Variants in C10orf90 observed in about 807,000 individuals in gnomAD.
The protein encoded by C10orf90 is (E2-independent) E3 ubiquitin-conjugating enzyme FATS.
A neutral mutation model predicts 62.5 loss-of-function variants in C10orf90; 56 were observed. That is an observed-to-expected ratio of 0.90 (90% CI 0.72 to 1.12). C10orf90 has a LOEUF of 1.12. Among genes scored for constraint, C10orf90 ranks in the 50% most tolerant of loss-of-function variants. The pLI, the probability that C10orf90 is intolerant of heterozygous loss-of-function variation, is 0.00. For missense variants in C10orf90, 970 were observed against 880.4 expected (o/e 1.10, Z -1.29); for synonymous variants, 386 against 340.4 (o/e 1.13, Z -1.47).
At chr10:126,559,412 C>A (rs1218297724) in intron 2 of C10orf90, among the ~76,000 whole-genome samples, 1 of 152,188 alleles carries the variant, frequency 6.6e-6, no homozygotes, top group Non-Finnish European at 1.5e-5. Context: ...ATAACATTTG[C>A]TCTCATCTGT....
chr10:126,567,774 G>A (rs530914937), intron 2 of C10orf90, among the ~76,000 whole-genome samples: 2 of 152,304 alleles, frequency 1.3e-5, no homozygotes, highest in East Asian at 3.9e-4. Flanking sequence ...TGGAGCAGGT[G>A]GAGAAGGGGG....
intron 2 of C10orf90, among the ~76,000 whole-genome samples, chr10:126,626,983 C>A (rs372432627): frequency 1.2e-4 from 17 of 138,080 alleles, no homozygotes; most frequent in Admixed American, 1.2e-3. Context: ...TTAGATTTTT[C>A]TTTTTCTTTT....
intron 2 of C10orf90, among the ~76,000 whole-genome samples, chr10:126,579,050 C>T (rs111292608): frequency 8.6e-5 from 13 of 151,434 alleles, no homozygotes; most frequent in African/African-American, 3.2e-4. Flanking sequence ...AGATAGTGTA[C>T]TTCAATTAAA....
chr10:126,616,350 G>A (rs1474632394), intron 2 of C10orf90, among the ~76,000 whole-genome samples: 2 of 152,172 alleles, frequency 1.3e-5, no homozygotes, highest in South Asian at 2.1e-4. Context: ...GGTTTTCAGG[G>A]CTCACCGGAG....
At chr10:126,650,684 G>A (rs944246344) in intron 1 of C10orf90, among the ~76,000 whole-genome samples, 1 of 152,172 alleles carries the variant, frequency 6.6e-6, no homozygotes, top group Non-Finnish European at 1.5e-5. Flanking sequence ...GCCCCAGCTG[G>A]CAAAGCTCTG....
At chr10:126,449,851 G>T (rs1380625607) in intron 7 of C10orf90, among the ~76,000 whole-genome samples, 1 of 152,042 alleles carries the variant, frequency 6.6e-6, no homozygotes, top group Non-Finnish European at 1.5e-5. Context: ...ACAAAAATTA[G>T]CCGGGCATGG....
At chr10:126,479,174 A>G (rs1861046785) in intron 4 of C10orf90, among the ~76,000 whole-genome samples, 1 of 152,208 alleles carries the variant, frequency 6.6e-6, no homozygotes, top group South Asian at 2.1e-4. Context: ...GGACCCTTCT[A>G]TGACAAGTCT....
At chr10:126,547,243 C>G (rs1189405489) in intron 2 of C10orf90, among the ~76,000 whole-genome samples, 1 of 151,934 alleles carries the variant, frequency 6.6e-6, no homozygotes, top group Non-Finnish European at 1.5e-5. Flanking sequence ...CGCGGTGAAA[C>G]CCCATCTCTA....
At chr10:126,454,936 A>C (rs571753462) in intron 7 of C10orf90, among the ~76,000 whole-genome samples, 1 of 151,928 alleles carries the variant, frequency 6.6e-6, no homozygotes, top group Non-Finnish European at 1.5e-5. Context: ...GAGTGTACCT[A>C]ATGTCGGAGA....
chr10:126,483,375 A>T (rs1458592821), intron 4 of C10orf90, among the ~76,000 whole-genome samples: 1 of 152,236 alleles, frequency 6.6e-6, no homozygotes, highest in Non-Finnish European at 1.5e-5. Context: ...TAAGTTTTAT[A>T]ATGTAATTAA....
At chr10:126,592,712 G>T (rs1334519995) in intron 2 of C10orf90, among the ~76,000 whole-genome samples, 2 of 152,122 alleles carry the variant, frequency 1.3e-5, no homozygotes, top group Admixed American at 6.6e-5. Context: ...TTAAACTAAA[G>T]AGCTTCTGTA....
chr10:126,426,319 C>T (rs1857263391), intron 8 of C10orf90, among the ~76,000 whole-genome samples: 1 of 152,240 alleles, frequency 6.6e-6, no homozygotes, highest in Non-Finnish European at 1.5e-5. Flanking sequence ...GGCAATGCAA[C>T]AGGCAGAGTC....
intron 2 of C10orf90, among the ~76,000 whole-genome samples, chr10:126,609,417 G>A (rs1004597901): frequency 2.0e-5 from 3 of 152,094 alleles, no homozygotes; most frequent in African/African-American, 7.2e-5. Flanking sequence ...AAACAAAAAA[G>A]GTATGTGAAT....
chr10:126,660,172 T>C (rs991852845), intron 1 of C10orf90, among the ~76,000 whole-genome samples: 1 of 152,260 alleles, frequency 6.6e-6, no homozygotes, highest in Non-Finnish European at 1.5e-5. Context: ...TGTTCCCCTG[T>C]CTTTGATGGT....
At chr10:126,545,742 C>G (rs1266713809) in intron 2 of C10orf90, among the ~76,000 whole-genome samples, 2 of 152,134 alleles carry the variant, frequency 1.3e-5, no homozygotes, top group African/African-American at 4.8e-5. Context: ...TGCCCCTCCC[C>G]CTCTTCTCTC....
Position 126,454,076 on chromosome 10 carries a change from G to A in C10orf90, c.2188+4964C>T, listed in dbSNP as rs576517229. On this transcript the variant is annotated intron_variant, in intron 7 of 9. Coordinates refer to ENST00000488181, the MANE Select transcript of C10orf90 (RefSeq NM_001350921.2). Reference sequence around the variant, plus strand: ...GAGCTGCAGTGGGCACAGGATACAGGCACAATTGTGTCAATGGGGCATGGT... The same window carrying A: ...GAGCTGCAGTGGGCACAGGATACAGACACAATTGTGTCAATGGGGCATGGT... Among the ~76,000 whole-genome samples, 61 of 152,142 alleles carry A rather than the reference G, an allele frequency of 4.0e-4. No individual in the cohort carries two copies. In the South Asian group the frequency reaches 0.012, roughly 29 times the overall value.
At chr10:126,535,984 T>G (rs1864225224) in intron 2 of C10orf90, among the ~76,000 whole-genome samples, 1 of 152,114 alleles carries the variant, frequency 6.6e-6, no homozygotes, top group Non-Finnish European at 1.5e-5. Flanking sequence ...CACTGAAGTT[T>G]TTTTCCACTT....
At chr10:126,518,341 G>T (rs1404031455) in intron 2 of C10orf90, among the ~76,000 whole-genome samples, 2 of 152,138 alleles carry the variant, frequency 1.3e-5, no homozygotes, top group African/African-American at 4.8e-5. Flanking sequence ...AGGACATTTG[G>T]CACAGCTCAA....
chr10:126,428,067 A>G lies in C10orf90; in HGVS notation c.2252+1720T>C, dbSNP rs796770747. ...ATGGACCACTCTGCAGACAGTCAAA[A>G]CCGACAAAGAAAATAATCTATCTAT... On this transcript the variant is annotated intron_variant, in intron 8 of 9. Transcript: ENST00000488181. Among the ~76,000 whole-genome samples, 12 of 152,280 alleles carry G rather than the reference A, an allele frequency of 7.9e-5. 1 individual carries two copies. The highest frequency in any genetic ancestry group is 2.9e-4 in the African/African-American group (12 of 41,564).
Sources: gnomAD v4.1 joint callset for allele counts (sites outside exome capture counted in the v4.1 genomes callset) on GRCh38, gnomAD v4.1.1 for gene constraint, MANE v1.5 for transcripts, NCBI Gene and HGNC (gene_info 2026-07-23, HGNC 2026-07-21) for gene names.